The following PCNX1 variants were observed in gnomAD, a reference collection of about 807,000 sequenced individuals.
PCNX1 encodes pecanex-like protein 1.
In PCNX1, 78 loss-of-function variants were observed where a neutral mutation model predicts 242.2. The ratio of observed to expected loss-of-function variants is 0.32; its 90% CI spans 0.27 to 0.39. The LOEUF is 0.39. Among genes scored for constraint, PCNX1 ranks in the 10% least tolerant of loss-of-function variants. The pLI is 1.00. For synonymous variants in PCNX1, 1,024 were observed against 1,032.9 expected, an observed-to-expected ratio of 0.99 and a Z score of 0.17; for missense variants, 2,581 against 2,856.5, an observed-to-expected ratio of 0.90 and a Z score of 2.20.
At chr14:71,085,051 G>A (rs1245977055) in intron 28 of PCNX1, among the ~76,000 whole-genome samples, 1 of 152,218 alleles carries the variant, frequency 6.6e-6, no homozygotes, top group Non-Finnish European at 1.5e-5. Flanking sequence ...AGAATGCACT[G>A]TTCCTCACGG....
chr14:70,910,054 CT>C (rs1566808307), intron 1 of PCNX1, among the ~76,000 whole-genome samples: 1 of 101,694 alleles, frequency 9.8e-6, no homozygotes, highest in East Asian at 3.1e-4. Context: ...CCTCCTCCTC[CT>C]CCTCCTCCCC....
chr14:71,007,762 TTTTTAA>T (rs2059706363), intron 8 of PCNX1, among the ~76,000 whole-genome samples: 2 of 152,314 alleles, frequency 1.3e-5, no homozygotes, highest in Non-Finnish European at 2.9e-5. Context: ...AATTAAAATT[TTTTTAA>T]TTTTAAGTGA....
chr14:71,068,327 T>C (rs556276172), intron 26 of PCNX1, among the ~76,000 whole-genome samples: 1 of 151,686 alleles, frequency 6.6e-6, no homozygotes, highest in African/African-American at 2.4e-5. Flanking sequence ...TGAGACTCCA[T>C]CTCAAAAAAT....
intron 30 of PCNX1, among the ~76,000 whole-genome samples, chr14:71,098,553 T>TGTGTGTGTGTGTGAGAGAGA (rs60367565): frequency 8.0e-6 from 1 of 125,734 alleles, no homozygotes; most frequent in African/African-American, 3.2e-5. Flanking sequence ...TGTGTGTGTG[T>TGTGTGTGTGTGTGAGAGAGA]GAGAGAGAGA....
intron 2 of PCNX1, among the ~76,000 whole-genome samples, chr14:70,953,151 C>T (rs1188897419): frequency 6.6e-6 from 1 of 152,014 alleles, no homozygotes; most frequent in South Asian, 2.1e-4. Context: ...TGGTGGTGTG[C>T]ACCTGTAGTG....
In PCNX1 at chr14:71,012,977, T is replaced by G. The variant is rs773444796; in HGVS notation, c.2779-8T>G. 1.3e-6 allele frequency: 2 copies of G among 1,598,102 alleles called. No individual in the cohort carries two copies. The highest frequency in any genetic ancestry group is 2.2e-5 in the South Asian group (2 of 90,736). ...ATTTTAAGCCTTTCAATGCTGACTT[T>G]CTTTTAGCTCTCTCTCCCACAGATT... On this transcript the variant is annotated splice_region_variant and splice_polypyrimidine_tract_variant and intron_variant, in intron 10 of 35. Transcript: ENST00000304743.
intron 8 of PCNX1, among the ~76,000 whole-genome samples, chr14:70,997,882 G>A (rs1281305968): frequency 2.0e-5 from 3 of 152,214 alleles, no homozygotes; most frequent in South Asian, 2.1e-4. Context: ...ATGAAAATAC[G>A]TGAATGAATT....
chr14:70,987,022 T>G (rs1429215423), intron 6 of PCNX1, among the ~76,000 whole-genome samples: 1 of 152,236 alleles, frequency 6.6e-6, no homozygotes, highest in African/African-American at 2.4e-5. Context: ...GATTTTTCAT[T>G]TCTTCCCTCA....
chr14:70,907,756 C>G lies in PCNX1; in HGVS notation c.-95C>G, dbSNP rs972790150. ...ACCCGGAGCTCCGGAGGTGGATAGA[C>G]GGGGCAGCTGCAGGCTCCGGCGACC... On this transcript the variant is annotated 5_prime_UTR_variant, in exon 1 of 36. Transcript: ENST00000304743. 5 of 1,172,246 alleles carry G rather than the reference C, an allele frequency of 4.3e-6. No homozygotes were observed. Among genetic ancestry groups the G allele is most frequent in the African/African-American group, 1.6e-5 (1 of 61,602 alleles). The allele number at this position is 1,172,246 out of a possible 1,614,324, so 72.6% of individuals were successfully genotyped here.
chr14:70,980,308 G>A lies in PCNX1; in HGVS notation c.2311+1660G>A, dbSNP rs1263443388. Among the ~76,000 whole-genome samples, 3 of 151,616 alleles carry A rather than the reference G, an allele frequency of 2.0e-5. No homozygotes were observed. The East Asian group carries it at 5.8e-4, about 29-fold the overall frequency. ...TTTGCTTCTCGGTGCTGTTCTTTAA[G>A]CTATATTAGCCCTTGTTTTTCTAGG... On this transcript the variant is annotated intron_variant, in intron 6 of 35. Transcript: ENST00000304743.
intron 6 of PCNX1, among the ~76,000 whole-genome samples, chr14:70,979,059 T>C (rs1332098573): frequency 1.3e-5 from 2 of 152,212 alleles, no homozygotes; most frequent in Non-Finnish European, 2.9e-5. Context: ...CTTTCAAAAT[T>C]AGATCACTCA....
At chr14:70,982,714 A>G (rs929825117) in intron 6 of PCNX1, among the ~76,000 whole-genome samples, 1 of 152,260 alleles carries the variant, frequency 6.6e-6, no homozygotes, top group African/African-American at 2.4e-5. Flanking sequence ...ATGTTTGTAT[A>G]TAGAATTCCC....
intron 30 of PCNX1, among the ~76,000 whole-genome samples, chr14:71,090,860 C>T (rs1045371475): frequency 5.9e-5 from 9 of 152,202 alleles, no homozygotes; most frequent in Non-Finnish European, 1.2e-4. Flanking sequence ...CCTCTGATGC[C>T]TTGGGTGCCT....
chr14:71,069,758 C>G (rs981104061), intron 26 of PCNX1, among the ~76,000 whole-genome samples: 1 of 152,152 alleles, frequency 6.6e-6, no homozygotes, highest in Non-Finnish European at 1.5e-5. Flanking sequence ...GAGTTGTAAT[C>G]TTTTTGCTGA....
intron 1 of PCNX1, among the ~76,000 whole-genome samples, chr14:70,917,034 C>G (rs755391765): frequency 6.6e-6 from 1 of 152,182 alleles, no homozygotes; most frequent in Non-Finnish European, 1.5e-5. Context: ...TCTCTGCTCA[C>G]CCATAAGAAG....
intron 22 of PCNX1, 38 bp from the exon 23 acceptor site, chr14:71,050,614 T>G (rs556777671): frequency 1.6e-4 from 253 of 1,540,770 alleles, no homozygotes; most frequent in Non-Finnish European, 2.1e-4. Context: ...TGATAAGTTT[T>G]TTTTTTTTTA....
chr14:71,030,269 C>G (rs7152781), intron 16 of PCNX1, among the ~76,000 whole-genome samples: 1 of 152,150 alleles, frequency 6.6e-6, no homozygotes, highest in Admixed American at 6.5e-5. Flanking sequence ...CTGCTTCTTA[C>G]ATTTTCTGAC....
In PCNX1 at chr14:70,956,522, G is replaced by A. The variant is rs1237577973; in HGVS notation, c.363-5704G>A. On this transcript the variant is annotated intron_variant, in intron 2 of 35. Coordinates refer to ENST00000304743, the MANE Select transcript of PCNX1 (RefSeq NM_014982.3). The stretch of plus-strand genomic sequence containing the variant: ...TGCAGTGAGCTATGATTGCACCACT[G>A]CACCCCAGCCTGGCTGACAGGGCAA... Among the ~76,000 whole-genome samples, 7 of 152,112 alleles carry A rather than the reference G, an allele frequency of 4.6e-5. No individual in the cohort carries two copies. In the South Asian group the frequency reaches 6.2e-4, roughly 14 times the overall value.
intron 15 of PCNX1, among the ~76,000 whole-genome samples, chr14:71,027,961 G>A (rs961129196): frequency 1.3e-5 from 2 of 151,508 alleles, no homozygotes; most frequent in Non-Finnish European, 3.0e-5. Context: ...ACTTATGCAA[G>A]GTATTAGGTT....
Sources: gnomAD v4.1 joint callset for allele counts (sites outside exome capture counted in the v4.1 genomes callset) on GRCh38, gnomAD v4.1.1 for gene constraint, MANE v1.5 for transcripts, NCBI Gene and HGNC (gene_info 2026-07-23, HGNC 2026-07-21) for gene names.